ABCC10: variants seen among roughly 807,000 people sequenced by gnomAD.
The protein encoded by ABCC10 is ATP binding cassette subfamily C member 10.
Under a neutral mutation model 143.2 loss-of-function variants are expected in ABCC10, and 110 were observed. The observed-to-expected ratio is 0.77, with a 90% CI of 0.66 to 0.90. The LOEUF (loss-of-function observed/expected upper bound fraction) is 0.90. ABCC10 is among the 40% of genes least tolerant of loss of function. ABCC10 has a pLI of 0.00. For missense variants in ABCC10, 1,700 were observed against 1,900.5 expected, an observed-to-expected ratio of 0.89 and a Z score of 1.96; for synonymous variants, 805 against 846.7, an observed-to-expected ratio of 0.95 and a Z score of 0.85.
In ABCC10 at chr6:43,428,142, G is replaced by T. The variant is rs770314962; in HGVS notation, c.161+3G>T. 62 of 1,524,272 alleles carry T rather than the reference G, an allele frequency of 4.1e-5. No individual in the cohort carries two copies. In the Admixed American group the frequency reaches 7.8e-4, roughly 19 times the overall value. The allele number at this position is 1,524,272 out of a possible 1,614,324, so 94.4% of individuals were successfully genotyped here. On this transcript the variant is annotated splice_donor_region_variant and intron_variant, in intron 2 of 21. Coordinates refer to ENST00000372530, the MANE Select transcript of ABCC10 (RefSeq NM_001198934.2). ...GCCTGTTACTTGGGCACCCCGAGGT[G>T]GGTAGAGACGGGCGCAAGGCATCTG... is the stretch of plus-strand genomic sequence containing the variant.
In ABCC10 at chr6:43,427,711, C is replaced by T; in HGVS notation, c.-58C>T. On this transcript the variant is annotated 5_prime_UTR_variant, in exon 1 of 22. Coordinates refer to ENST00000372530, the MANE Select transcript of ABCC10 (RefSeq NM_001198934.2). ...AGCAGCTTCTTCAGGTTTGAGGTTC[C>T]GGATGCCTGGGGGCGGAGAAACGGG... 1 of 561,076 alleles carries T rather than the reference C, an allele frequency of 1.8e-6. No individual in the cohort carries two copies. The highest frequency in any genetic ancestry group is 3.2e-6 in the Non-Finnish European group (1 of 310,746). 34.8% of individuals were successfully genotyped at this position (561,076 alleles called of 1,614,324 possible).
intron 2 of ABCC10, chr6:43,431,900 T>C: frequency 7.3e-7 from 1 of 1,364,920 alleles, no homozygotes; most frequent in Non-Finnish European, 9.4e-7. Context: ...GTGGGTAGTT[T>C]AGAAAATGAG....
At chr6:43,451,426 T>G, downstream of ABCC10, 2 of 1,056,660 alleles carry the variant, frequency 1.9e-6, no homozygotes, top group Non-Finnish European at 2.7e-6. The surrounding 1 kb of genome is among the most constrained non-coding windows in gnomAD (Gnocchi z 4.4). Context: ...ATAAAAATAG[T>G]ACCCAGCTTC....
intron 8 of ABCC10, among the ~76,000 whole-genome samples, chr6:43,441,434 C>T (rs1782456465): frequency 6.6e-6 from 1 of 152,086 alleles, no homozygotes; most frequent in South Asian, 2.1e-4. Context: ...TGAGATTGTG[C>T]CACTGCACTC....
chr6:43,434,929 C>A, intron 4 of ABCC10, 81 bp downstream of exon 4: 1 of 1,446,464 alleles, frequency 6.9e-7, no homozygotes, highest in South Asian at 1.2e-5. Context: ...TCAGTGCTGG[C>A]TGAGAAGGAG....
intron 9 of ABCC10, among the ~76,000 whole-genome samples, chr6:43,442,487 C>T (rs1477356129): frequency 6.6e-6 from 1 of 152,126 alleles, no homozygotes; most frequent in African/African-American, 2.4e-5. Context: ...AGGAGAATCG[C>T]TTGAACCCGA....
Position 43,443,910 on chromosome 6 carries a change from C to T in ABCC10, c.2417-23C>T. 1 of 1,596,476 alleles carries T rather than the reference C, an allele frequency of 6.3e-7. No homozygotes were observed. Among genetic ancestry groups the T allele is most frequent in the African/African-American group, 1.3e-5 (1 of 74,722 alleles). ...GTATAGACTCAGAACAGTCCTCTCC[C>T]AATCTCCCCTTCTACCCTCCAGGAC... On this transcript the variant is annotated intron_variant, in intron 10 of 21. Transcript: ENST00000372530. The surrounding 1 kb of genome is among the most constrained non-coding windows in gnomAD (Gnocchi z 4.2).
Position 43,434,667 on chromosome 6 carries a change from G to A in ABCC10, c.1427G>A (p.Gly476Glu). ...LSGIRVIKFC[G>E]WEQALGARVE... is the part of the protein sequence containing the mutation. ...GGCATTCGGGTCATCAAGTTCTGCG[G>A]GTGGGAGCAGGCACTGGGAGCCCGA... The change falls in exon 4 of 22, where the codon GGG (glycine) becomes GAG (glutamate). Residue 476 changes from glycine to glutamate, a missense_variant. By Grantham distance (98) the Gly-to-Glu change is moderately conservative. Transcript: ENST00000372530. 1.2e-6 allele frequency: 2 copies of A among 1,614,174 alleles called. No homozygotes were observed. Among genetic ancestry groups the A allele is most frequent in the Non-Finnish European group, 1.7e-6 (2 of 1,180,042 alleles).
rs1780869728 is a variant in ABCC10, at chr6:43,429,372, T to TTTTGTGTG, written c.161+1234_161+1235insTTGTGTGT. ...TTCTTTTCTTTCTTTCTTTTCTTTC[T>TTTTGTGTG]TGTGTGTGTGTGTGTGTGTGTGTGT... On this transcript the variant is annotated intron_variant, in intron 2 of 21. Coordinates refer to ENST00000372530, the MANE Select transcript of ABCC10 (RefSeq NM_001198934.2). Among the ~76,000 whole-genome samples, 63 of 98,244 alleles carry TTTTGTGTG rather than the reference T, an allele frequency of 6.4e-4. 1 individual carries two copies. Among genetic ancestry groups the TTTTGTGTG allele is most frequent in the African/African-American group, 2.8e-3 (55 of 19,484 alleles). The allele number at this position is 98,244 out of a possible 152,430, so 64.5% of individuals were successfully genotyped here. A position where few individuals can be genotyped will look rare whatever the true frequency, so the allele number is the denominator to read the frequency against.
chr6:43,441,730 C>T, intron 8 of ABCC10, 132 bp from the exon 9 acceptor site: 1 of 637,198 alleles, frequency 1.6e-6, no homozygotes, highest in Non-Finnish European at 2.7e-6. Flanking sequence ...CTGACTAGCT[C>T]ACCCCAAATT....
At chr6:43,435,656 C>G in intron 4 of ABCC10, 95 bp from the exon 5 acceptor site, 1 of 1,422,642 alleles carries the variant, frequency 7.0e-7, no homozygotes, top group Admixed American at 2.4e-5. Flanking sequence ...TGTCATTGCC[C>G]AGTTCTTCCC....
At chr6:43,448,047 C>A in intron 18 of ABCC10, 110 bp downstream of exon 18, 1 of 1,513,508 alleles carries the variant, frequency 6.6e-7, no homozygotes, top group Non-Finnish European at 8.9e-7. Flanking sequence ...CAGGGCTGAT[C>A]AGGGGGCTGA....
Position 43,450,049 on chromosome 6 carries a change from G to C in ABCC10, c.4437G>C (p.Gln1479His). The stretch of plus-strand genomic sequence containing the variant: ...ACTCCCTGTTCCAGCAGCTGCTGCA[G>C]AGCAGCCAGCAGGGAGTCCCTGCCT... Reference protein sequence around the residue: ...QPHSLFQQLLQSSQQGVPASL... With the variant: ...QPHSLFQQLLHSSQQGVPASL... Residue 1479 changes from glutamine (Q) to histidine (H), a missense_variant, in exon 22 of 22, where the codon CAG becomes CAC. Coordinates refer to ENST00000372530, the MANE Select transcript of ABCC10 (RefSeq NM_001198934.2). The surrounding 1 kb of genome is among the most constrained non-coding windows in gnomAD (Gnocchi z 4.5). 1 of 1,611,406 alleles carries C rather than the reference G, an allele frequency of 6.2e-7. No individual in the cohort carries two copies. Among genetic ancestry groups the C allele is most frequent in the Non-Finnish European group, 8.5e-7 (1 of 1,178,784 alleles).
At chr6:43,437,497 T>G (rs115984947) in intron 6 of ABCC10, among the ~76,000 whole-genome samples, 3,073 of 148,434 alleles carry the variant, frequency 0.021, 49 homozygotes, top group South Asian at 0.044. Flanking sequence ...TAGGGATCTA[T>G]GCAAAGCTCT....
chr6:43,428,635 T>C (rs917579755), intron 2 of ABCC10, among the ~76,000 whole-genome samples: 3 of 152,130 alleles, frequency 2.0e-5, no homozygotes, highest in African/African-American at 7.2e-5. Flanking sequence ...AAGAGCAAAA[T>C]CAAACATTAA....
rs752861518 is a variant in ABCC10, at chr6:43,444,799, G to A, written c.2701G>A (p.Ala901Thr). Reference sequence around the variant, plus strand: ...CTGTCCCCACCCAGCCACGCGGAACGCTGCTGACTGGTGGCTCTCCCACTG... The same window carrying A: ...CTGTCCCCACCCAGCCACGCGGAACACTGCTGACTGGTGGCTCTCCCACTG... Reference protein sequence around the residue: ...SLLLMQATRNAADWWLSHWIS... With the variant: ...SLLLMQATRNTADWWLSHWIS... The change falls in exon 13 of 22, where the codon GCT (alanine) becomes ACT (threonine). Residue 901 changes from alanine (A) to threonine (T), a missense_variant. Ala to Thr is a moderately conservative substitution (Grantham distance 58, BLOSUM62 0). Transcript: ENST00000372530. The A allele has an allele frequency of 3.3e-5, 53 of 1,599,772 alleles. No individual in the cohort carries two copies. The highest frequency in any genetic ancestry group is 4.1e-5 in the Non-Finnish European group (48 of 1,173,770).
rs1781512463 is a variant in ABCC10 at position 43,434,858 on chromosome 6, A to G, written c.1608+10A>G. On this transcript the variant is annotated intron_variant, in intron 4 of 21. Coordinates refer to ENST00000372530, the MANE Select transcript of ABCC10 (RefSeq NM_001198934.2). Reference sequence around the variant, plus strand: ...GCTCACTGCCACCAAGGTGAGGACCAGGAAGGAAGGGGACCAGCATCAAGG... The same window carrying G: ...GCTCACTGCCACCAAGGTGAGGACCGGGAAGGAAGGGGACCAGCATCAAGG... 6.2e-7 allele frequency: 1 copy of G among 1,611,622 alleles called. No homozygotes were observed. The highest frequency in any genetic ancestry group is 1.3e-5 in the African/African-American group (1 of 74,898).
rs779647784 is a variant in ABCC10, at chr6:43,438,033, C to T, written c.1955+20C>T. 6.2e-6 allele frequency: 10 copies of T among 1,606,224 alleles called. No individual in the cohort carries two copies. The highest frequency in any genetic ancestry group is 7.7e-6 in the Non-Finnish European group (9 of 1,176,104). ...CCACAGGTAACCAACCTCCTATGCA[C>T]CCCTGTCCTTACTTTGTCCTTTAGC... On this transcript the variant is annotated intron_variant, in intron 7 of 21. Coordinates refer to ENST00000372530, the MANE Select transcript of ABCC10 (RefSeq NM_001198934.2).
Position 43,443,284 on chromosome 6 carries a change from C to T in ABCC10, c.2416+125C>T. On this transcript the variant is annotated intron_variant, in intron 10 of 21. Coordinates refer to ENST00000372530, the MANE Select transcript of ABCC10 (RefSeq NM_001198934.2). This position sits in a 1 kb window ranked among gnomAD's most constrained non-coding sequence, Gnocchi z 4.2. The stretch of plus-strand genomic sequence containing the variant: ...GCCAGTCATTGCTGCCTCCCGCCTT[C>T]ACAGAACTGGTGTGAGGAACTGGGA... The T allele has an allele frequency of 9.9e-7, 1 of 1,013,906 alleles. No homozygotes were observed. Among genetic ancestry groups the T allele is most frequent in the Non-Finnish European group, 1.4e-6 (1 of 728,132 alleles). 62.8% of individuals were successfully genotyped at this position (1,013,906 alleles called of 1,614,324 possible).
Sources: allele counts gnomAD v4.1 joint callset (sites outside exome capture counted in the v4.1 genomes callset), GRCh38; gene constraint gnomAD v4.1.1; non-coding constraint Gnocchi (gnomAD v3.1); transcripts MANE v1.5; gene names NCBI Gene and HGNC (gene_info 2026-07-23, HGNC 2026-07-21).